Variants in GRID1 observed in about 807,000 individuals in gnomAD.
GRID1 encodes the protein glutamate ionotropic receptor delta type subunit 1.
A neutral mutation model predicts 98.0 loss-of-function variants in GRID1; 28 were observed. The ratio of observed to expected loss-of-function variants is 0.29; its 90% CI spans 0.21 to 0.39. The LOEUF (loss-of-function observed/expected upper bound fraction) is 0.39, where lower values mean the gene tolerates loss of function less well. Ranked by LOEUF, GRID1 falls within the 10% of genes least tolerant of loss-of-function variation. The pLI is 1.00. For missense variants in GRID1, 1,111 were observed against 1,340.5 expected (o/e 0.83, Z 2.67); for synonymous variants, 553 against 538.5 (o/e 1.03, Z -0.37).
At chr10:85,988,007 C>CA (rs1480594809) in intron 4 of GRID1, among the ~76,000 whole-genome samples, 2 of 152,122 alleles carry the variant, frequency 1.3e-5, no homozygotes, top group Admixed American at 1.3e-4. Flanking sequence ...CACAGAGACC[C>CA]GCATTAAATT....
chr10:85,965,291 T>C (rs1842322391), intron 4 of GRID1, among the ~76,000 whole-genome samples: 1 of 152,236 alleles, frequency 6.6e-6, no homozygotes, highest in Admixed American at 6.5e-5. Flanking sequence ...ACTGGGTATA[T>C]ACCCAAATAA....
chr10:85,780,524 C>G (rs1842372272), intron 8 of GRID1, among the ~76,000 whole-genome samples: 1 of 152,220 alleles, frequency 6.6e-6, no homozygotes. Context: ...TCAGCCTCAG[C>G]TCCCCCATCA....
intron 2 of GRID1, among the ~76,000 whole-genome samples, chr10:86,331,483 G>A (rs151152306): frequency 4.6e-5 from 7 of 152,300 alleles, no homozygotes; most frequent in African/African-American, 1.7e-4. Flanking sequence ...CTCTCCACAA[G>A]GTGTACAAAG....
intron 3 of GRID1, among the ~76,000 whole-genome samples, chr10:86,161,519 G>A (rs1845323488): frequency 6.6e-6 from 1 of 152,164 alleles, no homozygotes; most frequent in Non-Finnish European, 1.5e-5. Context: ...ACACAGATGA[G>A]AACAGTGAGG....
chr10:86,336,893 G>A (rs1896522), intron 2 of GRID1, among the ~76,000 whole-genome samples: 143,275 of 149,884 alleles, frequency 0.96, 68,583 homozygotes, highest in East Asian at 1. Flanking sequence ...CGCCCAGGCT[G>A]GAGTGCAGTG....
At chr10:86,292,131 C>T (rs1258259069) in intron 2 of GRID1, among the ~76,000 whole-genome samples, 2 of 152,204 alleles carry the variant, frequency 1.3e-5, no homozygotes, top group African/African-American at 2.4e-5. Flanking sequence ...ACAGAGGCTG[C>T]AGGCTTGTGC....
intron 11 of GRID1, among the ~76,000 whole-genome samples, chr10:85,724,027 G>T (rs531307129): frequency 1.3e-5 from 2 of 152,276 alleles, no homozygotes; most frequent in African/African-American, 4.8e-5. Flanking sequence ...ATTTAAGCAA[G>T]ATTCACAGTT....
chr10:86,037,859 G>T (rs1843289617), intron 4 of GRID1, among the ~76,000 whole-genome samples: 1 of 151,990 alleles, frequency 6.6e-6, no homozygotes, highest in African/African-American at 2.4e-5. Flanking sequence ...GCCATTGTAT[G>T]GGCTGAATGT....
chr10:86,255,011 C>CAG (rs1362503426), intron 2 of GRID1, among the ~76,000 whole-genome samples: 1 of 152,158 alleles, frequency 6.6e-6, no homozygotes, highest in Non-Finnish European at 1.5e-5. Context: ...GCCTGGCCTC[C>CAG]ACACCCCCAA....
At position 86,316,193 on chromosome 10, in the gene GRID1, T is replaced by C. The variant is rs191616713; in HGVS notation, c.235+47748A>G. 2.9e-3 allele frequency among the ~76,000 whole-genome samples: 446 copies of C among 152,370 alleles called. 4 individuals carry two copies. The highest frequency in any genetic ancestry group is 0.019 in the Admixed American group (298 of 15,304). On this transcript the variant is annotated intron_variant, in intron 2 of 15. Coordinates refer to ENST00000327946, the MANE Select transcript of GRID1 (RefSeq NM_017551.3). The stretch of plus-strand genomic sequence containing the variant: ...AACACTCCCCATGACCTTCTGGTGC[T>C]GCACTCTGGGACATGCCACCAGGTG...
intron 12 of GRID1, among the ~76,000 whole-genome samples, chr10:85,677,304 G>A (rs1354790349): frequency 6.6e-6 from 1 of 152,232 alleles, no homozygotes; most frequent in African/African-American, 2.4e-5. Context: ...CACCCAGCCA[G>A]CATGCCTGGC....
chr10:85,839,930 T>C (rs569824379), intron 8 of GRID1, among the ~76,000 whole-genome samples: 1 of 152,192 alleles, frequency 6.6e-6, no homozygotes, highest in South Asian at 2.1e-4. Flanking sequence ...CATATTACCA[T>C]TGACTCCACA....
At chr10:85,654,169 C>T (rs954305724) in intron 12 of GRID1, among the ~76,000 whole-genome samples, 3 of 152,112 alleles carry the variant, frequency 2.0e-5, no homozygotes, top group Admixed American at 6.5e-5. Context: ...AAGCCAGCCT[C>T]GGAGGGCCAG....
chr10:86,183,370 A>C (rs1001924198), intron 3 of GRID1, among the ~76,000 whole-genome samples: 6 of 151,210 alleles, frequency 4.0e-5, no homozygotes, highest in African/African-American at 1.5e-4. Flanking sequence ...TTATTTATTT[A>C]TTTATTGAGA....
Position 85,602,592 on chromosome 10 carries a change from T to A in GRID1, c.2711A>T (p.Glu904Val). Residue 904 changes from glutamate to valine, a missense_variant, in exon 16 of 16, where the codon GAG (glutamate) becomes GTG (valine). Physicochemically the swap from Glu to Val is moderately radical, Grantham distance 121. Around this residue, in one of 3 missense-constraint regions of GRID1, gnomAD observed 762 missense variants for 869.1 expected, o/e 0.88. Transcript: ENST00000327946. ...CTGGGTGGGAGCCAGGCCCCCCATC[T>A]CCAGGGCCGAGAGCTCAATCGACGC... ...SPASIELSAL[E>V]MGGLAPTQTL... 1 of 1,613,760 alleles carries A rather than the reference T, an allele frequency of 6.2e-7. No individual in the cohort carries two copies. The highest frequency in any genetic ancestry group is 2.2e-5 in the East Asian group (1 of 44,826).
intron 2 of GRID1, among the ~76,000 whole-genome samples, chr10:86,243,921 C>T (rs575850921): frequency 1.3e-5 from 2 of 152,340 alleles, no homozygotes; most frequent in East Asian, 3.9e-4. Flanking sequence ...CACACACGTG[C>T]CACACATGTG....
At chr10:85,634,253 T>C (rs1410358194) in intron 13 of GRID1, among the ~76,000 whole-genome samples, 1 of 91,428 alleles carries the variant, frequency 1.1e-5, no homozygotes, top group Admixed American at 9.7e-5. Flanking sequence ...GGGGCACCTC[T>C]CTCTCTCTCT....
chr10:86,095,061 T>C (rs949709768), intron 4 of GRID1, among the ~76,000 whole-genome samples: 5 of 152,180 alleles, frequency 3.3e-5, no homozygotes, highest in Admixed American at 2.6e-4. Flanking sequence ...AGCCAACTGA[T>C]CTTTGACAAA....
chr10:85,961,297 C>T (rs1276231004), intron 4 of GRID1, among the ~76,000 whole-genome samples: 1 of 152,184 alleles, frequency 6.6e-6, no homozygotes, highest in Non-Finnish European at 1.5e-5. Context: ...GCTGGCACCA[C>T]CAGGCACATT....
Sources: gnomAD v4.1 joint callset for allele counts (sites outside exome capture counted in the v4.1 genomes callset) on GRCh38, gnomAD v4.1.1 for gene constraint, gnomAD v4.1.1 regional missense constraint, MANE v1.5 for transcripts, NCBI Gene and HGNC (gene_info 2026-07-23, HGNC 2026-07-21) for gene names.